Variants in PCDHGA3 observed in about 807,000 individuals in gnomAD.
PCDHGA3 encodes protocadherin gamma subfamily A, 3.
In PCDHGA3, 40 loss-of-function variants were observed where a neutral mutation model predicts 58.5. That is an observed-to-expected ratio of 0.68 (90% CI 0.53 to 0.89). PCDHGA3 has a LOEUF of 0.89. PCDHGA3 is among the 40% of genes least tolerant of loss of function. The pLI, the probability that PCDHGA3 is intolerant of heterozygous loss-of-function variation, is 0.00. For synonymous variants in PCDHGA3, 530 were observed against 525.7 expected (o/e 1.01, Z -0.11); for missense variants, 1,223 against 1,195.9 (o/e 1.02, Z -0.33).
At chr5:141,348,834 G>A (rs1018080023) in intron 1 of PCDHGA3, among the ~76,000 whole-genome samples, 1 of 152,156 alleles carries the variant, frequency 6.6e-6, no homozygotes, top group Non-Finnish European at 1.5e-5. Flanking sequence ...TAGAGTATGA[G>A]TATGGGTGAG....
At position 141,414,131 on chromosome 5, in the gene PCDHGA3, A is replaced by G. The variant is rs977911874; in HGVS notation, c.2424+67674A>G. 1.9e-6 allele frequency: 3 copies of G among 1,594,622 alleles called. No homozygotes were observed. The highest frequency in any genetic ancestry group is 2.7e-5 in the African/African-American group (2 of 74,402). The stretch of plus-strand genomic sequence containing the variant: ...CTAGATTATGAAGAAACCGGTTTCT[A>G]TGAAATAGAAATACAAGCAGAAGAT... On this transcript the variant is annotated intron_variant, in intron 1 of 3. Transcript: ENST00000253812.
chr5:141,374,477 C>A lies in PCDHGA3; in HGVS notation c.2424+28020C>A, dbSNP rs376389009. 3 of 1,611,808 alleles carry A rather than the reference C, an allele frequency of 1.9e-6. No individual in the cohort carries two copies. In the East Asian group the frequency reaches 6.7e-5, roughly 36 times the overall value. ...AGTGGACATTAATGACAATACACCC[C>A]GATTCTTAAAGGAAGAATTGGAAGT... On this transcript the variant is annotated intron_variant, in intron 1 of 3. Transcript: ENST00000253812.
chr5:141,386,913 A>T lies in PCDHGA3; in HGVS notation c.2424+40456A>T, dbSNP rs575520734. On this transcript the variant is annotated intron_variant, in intron 1 of 3. Coordinates refer to ENST00000253812, the MANE Select transcript of PCDHGA3 (RefSeq NM_018916.4). ...TCCTTCAATTCAGAGGTCACCAAGG[A>T]ATGTAAAATAAGTGCAGAGGTAGGA... Among the ~76,000 whole-genome samples the T allele has an allele frequency of 1.0e-3, 156 of 152,358 alleles. 1 individual carries two copies. The Middle Eastern group carries it at 0.017, about 17-fold the overall frequency.
In PCDHGA3 at chr5:141,493,164, T is replaced by C. The variant is rs558860783; in HGVS notation, c.2425-1643T>C. Among the ~76,000 whole-genome samples the C allele has an allele frequency of 4.6e-5, 7 of 152,340 alleles. 1 individual carries two copies. The South Asian group carries it at 1.2e-3, about 27-fold the overall frequency. On this transcript the variant is annotated intron_variant, in intron 1 of 3. Coordinates refer to ENST00000253812, the MANE Select transcript of PCDHGA3 (RefSeq NM_018916.4). The surrounding 1 kb of genome is among the most constrained non-coding windows in gnomAD (Gnocchi z 4.3). Reference sequence around the variant, plus strand: ...ACCCCCAGGTGATTTTGATAGCTGATTGAGAGAAACTTACTATATAACTCC... The same window carrying C: ...ACCCCCAGGTGATTTTGATAGCTGACTGAGAGAAACTTACTATATAACTCC...
In PCDHGA3 at chr5:141,346,337, G is replaced by A. The variant is rs1476278864; in HGVS notation, c.2304G>A (p.Leu768=). 3 of 1,614,116 alleles carry A rather than the reference G, an allele frequency of 1.9e-6. No individual in the cohort carries two copies. The highest frequency in any genetic ancestry group is 8.5e-7 in the Non-Finnish European group (1 of 1,180,050). Residue 768 remains leucine (L), a synonymous_variant, in exon 1 of 4, where the codon CTG becomes CTA. Transcript: ENST00000253812. ...SLTADSRKSH[L]IFPQPNYADT... ...CTGCGGACTCGCGGAAGAGCCACCT[G>A]ATTTTCCCCCAGCCCAACTATGCGG... is the stretch of plus-strand genomic sequence containing the variant.
intron 1 of PCDHGA3, chr5:141,417,186 C>A (rs2154546857): frequency 6.6e-6 from 1 of 152,258 alleles, no homozygotes; most frequent in Admixed American, 6.5e-5. Context: ...GGAATTATTA[C>A]TTTCTGGGTG....
Position 141,394,682 on chromosome 5 carries a change from G to A in PCDHGA3, c.2424+48225G>A, listed in dbSNP as rs546310598. 6.3e-5 allele frequency: 102 copies of A among 1,611,492 alleles called. No individual in the cohort carries two copies. The South Asian group carries it at 1.0e-3, about 16-fold the overall frequency. ...GACTCTTCTCGGTGGGTCTGCACAC[G>A]GGCGAGGTGCGCACGGCGCGAGCCC... On this transcript the variant is annotated intron_variant, in intron 1 of 3. Coordinates refer to ENST00000253812, the MANE Select transcript of PCDHGA3 (RefSeq NM_018916.4).
At chr5:141,399,111 A>C (rs1561667842) in intron 1 of PCDHGA3, 1 of 1,613,732 alleles carries the variant, frequency 6.2e-7, no homozygotes, top group Non-Finnish European at 8.5e-7. Context: ...CACAATGTAC[A>C]GTTGAAATTA....
At chr5:141,373,509 C>G (rs1444734450) in intron 1 of PCDHGA3, among the ~76,000 whole-genome samples, 1 of 152,152 alleles carries the variant, frequency 6.6e-6, no homozygotes, top group East Asian at 1.9e-4. Flanking sequence ...GGAGACAGAG[C>G]GAGACTTTGT....
chr5:141,347,638 T>G (rs1249660498), intron 1 of PCDHGA3, among the ~76,000 whole-genome samples: 6 of 151,906 alleles, frequency 3.9e-5, no homozygotes. Flanking sequence ...AATACAAAAA[T>G]TAGCTGGGCA....
intron 1 of PCDHGA3, among the ~76,000 whole-genome samples, chr5:141,474,747 A>AGACAAATAT (rs1447050692): frequency 6.6e-6 from 1 of 152,264 alleles, no homozygotes; most frequent in African/African-American, 2.4e-5. Context: ...GTGATGTCCA[A>AGACAAATAT]GACAAATATA....
intron 3 of PCDHGA3, among the ~76,000 whole-genome samples, chr5:141,509,807 C>T (rs369661041): frequency 2.0e-5 from 3 of 152,104 alleles, no homozygotes; most frequent in Non-Finnish European, 4.4e-5. Context: ...TTCATAGAGC[C>T]GAGCTCTTCT....
At chr5:141,478,050 C>T (rs2099429383) in intron 1 of PCDHGA3, 1 of 1,614,066 alleles carries the variant, frequency 6.2e-7, no homozygotes, top group Non-Finnish European at 8.5e-7. Flanking sequence ...CAGACTCTCA[C>T]GGTCTTGATC....
In PCDHGA3 at chr5:141,346,224, G is replaced by A; in HGVS notation, c.2191G>A (p.Gly731Ser). ...KSRLLQASGG[G>S]LASTPGSHFV... ...ACGCCTGCTGCAGGCTTCGGGAGGC[G>A]GCTTGGCGAGTACGCCCGGCTCGCA... The change falls in exon 1 of 4, where the codon GGC (glycine) becomes AGC (serine). Residue 731 changes from glycine (G) to serine (S), a missense_variant. Transcript: ENST00000253812. 3 of 1,614,182 alleles carry A rather than the reference G, an allele frequency of 1.9e-6. No individual in the cohort carries two copies. The highest frequency in any genetic ancestry group is 1.1e-5 in the South Asian group (1 of 91,084).
chr5:141,394,493 C>T (rs749651115), intron 1 of PCDHGA3: 2 of 1,614,222 alleles, frequency 1.2e-6, no homozygotes, highest in Non-Finnish European at 1.7e-6. Flanking sequence ...ACAACGCGCC[C>T]GAGATCCTGT....
At chr5:141,395,557 T>C (rs1405901510) in intron 1 of PCDHGA3, 1 of 136,750 alleles carries the variant, frequency 7.3e-6, no homozygotes, top group East Asian at 1.5e-4. Context: ...TGTGTGTGTG[T>C]GTGTGTGTGT....
chr5:141,421,861 C>T, intron 1 of PCDHGA3: 2 of 1,613,738 alleles, frequency 1.2e-6, no homozygotes, highest in South Asian at 2.2e-5. Flanking sequence ...TCACCTGCTC[C>T]TCCTCACAGC....
chr5:141,455,093 T>C (rs2098812615), intron 1 of PCDHGA3, among the ~76,000 whole-genome samples: 1 of 152,060 alleles, frequency 6.6e-6, no homozygotes, highest in African/African-American at 2.4e-5. Context: ...ATTACAGGCT[T>C]GAGCCACTGC....
chr5:141,414,434 C>T (rs774467993), intron 1 of PCDHGA3: 5 of 1,613,704 alleles, frequency 3.1e-6, no homozygotes, highest in Non-Finnish European at 3.4e-6. Context: ...GAACAGGTAT[C>T]CTCTTACAAT....
Sources: gnomAD v4.1 joint callset for allele counts (sites outside exome capture counted in the v4.1 genomes callset) on GRCh38, gnomAD v4.1.1 for gene constraint, Gnocchi (gnomAD v3.1) non-coding constraint, MANE v1.5 for transcripts, NCBI Gene and HGNC (gene_info 2026-07-23, HGNC 2026-07-21) for gene names.